ADGRG2: variants seen among roughly 807,000 people sequenced by gnomAD.
ADGRG2 encodes the protein G protein-coupled receptor 64.
ADGRG2 carries 26 observed loss-of-function variants against 74.1 expected under a neutral mutation model. That is an observed-to-expected ratio of 0.35 (90% confidence interval 0.26 to 0.49). The LOEUF (loss-of-function observed/expected upper bound fraction) is 0.49, where lower values mean the gene tolerates loss of function less well. Among genes scored for constraint, ADGRG2 ranks in the 20% least tolerant of loss-of-function variants. ADGRG2 has a pLI of 0.99. For synonymous variants in ADGRG2, 296 were observed against 295.2 expected, an observed-to-expected ratio of 1.00 and a Z score of -0.03; for missense variants, 619 against 763.1, an observed-to-expected ratio of 0.81 and a Z score of 2.22.
rs755329043 is a variant in ADGRG2 at position 19,016,608 on chromosome X, A to G, written c.711-2534T>C. Among the ~76,000 whole-genome samples, 35 of 108,715 alleles carry G rather than the reference A, an allele frequency of 3.2e-4. No individual in the cohort carries two copies. The Admixed American group carries it at 3.3e-3, about 10-fold the overall frequency. 94.4% of individuals were successfully genotyped at this position (108,715 alleles called of 115,157 possible). ...TGTGCACAATGTGCAGGTTAGTTAC[A>G]TATGTATACATGTGCCATGCTGGTG... On this transcript the variant is annotated intron_variant, in intron 15 of 28. Transcript: ENST00000379869.
chrX:19,055,305 C>A (rs569224074), intron 3 of ADGRG2, among the ~76,000 whole-genome samples: 1 of 111,717 alleles, frequency 9.0e-6, no homozygotes, highest in African/African-American at 3.3e-5. Context: ...CGCGCGTGCA[C>A]GCACCTTAGT....
intron 9 of ADGRG2, among the ~76,000 whole-genome samples, chrX:19,029,848 A>G (rs1415964201): frequency 2.7e-5 from 3 of 111,336 alleles, no homozygotes; most frequent in Non-Finnish European, 5.7e-5. Flanking sequence ...GTCAGAGAGG[A>G]GGGAGAGAAG....
chrX:19,013,779 C>T lies in ADGRG2; in HGVS notation c.1006G>A (p.Gly336Ser), dbSNP rs150585318. Residue 336 changes from glycine to serine, a missense_variant, in exon 16 of 29, where the codon GGC becomes AGC. Gly to Ser is a moderately conservative substitution (Grantham distance 56). Coordinates refer to ENST00000379869, the MANE Select transcript of ADGRG2 (RefSeq NM_001079858.3). ...SSPMPQTHVS[G>S]TPPPVKASFS... ...GAGGCTTTCACAGGAGGTGGGGTGC[C>T]GGAGACATGGGTTTGGGGCATAGGG... 13 of 1,195,924 alleles carry T rather than the reference C, an allele frequency of 1.1e-5. No homozygotes were observed. The Middle Eastern group carries it at 9.4e-4, about 86-fold the overall frequency.
intron 1 of ADGRG2, among the ~76,000 whole-genome samples, chrX:19,108,238 G>A (rs758065625): frequency 3.1e-4 from 34 of 110,723 alleles, no homozygotes; most frequent in Non-Finnish European, 4.5e-4. Flanking sequence ...AAGCTGAGGC[G>A]GGCAGGTTGC....
At chrX:19,055,365 T>C (rs1234809864) in intron 3 of ADGRG2, among the ~76,000 whole-genome samples, 2 of 112,411 alleles carry the variant, frequency 1.8e-5, no homozygotes, top group Non-Finnish European at 3.8e-5. Flanking sequence ...ATAGAAACCT[T>C]CTGAAGCAAT....
chrX:19,019,256 T>C (rs922376760), intron 15 of ADGRG2, among the ~76,000 whole-genome samples: 6 of 112,471 alleles, frequency 5.3e-5, no homozygotes, highest in African/African-American at 1.9e-4. Context: ...GAAAAAATGT[T>C]CAGACTCTGC....
chrX:19,108,681 A>G (rs2062359493), intron 1 of ADGRG2, among the ~76,000 whole-genome samples: 1 of 111,718 alleles, frequency 9.0e-6, no homozygotes, highest in Non-Finnish European at 1.9e-5. Context: ...GGTACCACAT[A>G]TAGGAAATTT....
In ADGRG2 at chrX:19,013,125, C is replaced by T. The variant is rs112990946; in HGVS notation, c.1099+561G>A. Among the ~76,000 whole-genome samples the T allele has an allele frequency of 5.6e-3, 619 of 111,368 alleles. 5 individuals are homozygous for T. The highest frequency in any genetic ancestry group is 0.019 in the African/African-American group (579 of 30,685). On this transcript the variant is annotated intron_variant, in intron 16 of 28. Transcript: ENST00000379869. ...GGGTCTTCACAGTGTTTCTCCCCTCCTACCACTACCTTGGCTCAGTCCCAG... is the reference window on the plus strand; with the variant it reads ...GGGTCTTCACAGTGTTTCTCCCCTCTTACCACTACCTTGGCTCAGTCCCAG...
At chrX:19,099,933 G>A (rs1229159589) in intron 1 of ADGRG2, among the ~76,000 whole-genome samples, 1 of 111,431 alleles carries the variant, frequency 9.0e-6, no homozygotes. Flanking sequence ...TACTTGGGAG[G>A]CTGAGGTGGG....
chrX:19,030,894 C>CA (rs1484763029), intron 9 of ADGRG2, 90 bp downstream of exon 9: 2 of 612,899 alleles, frequency 3.3e-6, no homozygotes, highest in Non-Finnish European at 5.1e-6. Flanking sequence ...CCAAGAGGCA[C>CA]ATACCACATA....
rs765073163 is a variant in ADGRG2, at chrX:18,994,967, G to C, written c.2798C>G (p.Ser933Ter). Reference sequence around the variant, plus strand: ...GGTGGAGTTAGTGGAGTTACTGCTTGACTGTAAGGAATTTGAAGAGCTGGA... The same window carrying C: ...GGTGGAGTTAGTGGAGTTACTGCTTCACTGTAAGGAATTTGAAGAGCTGGA... ...GVSSSSNSLQ[S>*]SSNSTNSTTL... Residue 933 changes from serine to a stop codon, truncating the protein, a stop_gained, in exon 28 of 29, where the codon TCA becomes TGA. Coordinates refer to ENST00000379869, the MANE Select transcript of ADGRG2 (RefSeq NM_001079858.3). LOFTEE classifies it high-confidence loss of function. The C allele has an allele frequency of 1.8e-5, 21 of 1,198,133 alleles. No homozygotes were observed. Among genetic ancestry groups the C allele is most frequent in the Non-Finnish European group, 2.4e-5 (21 of 883,121 alleles).
chrX:19,003,679 A>G (rs748162722), intron 23 of ADGRG2, among the ~76,000 whole-genome samples: 2 of 111,876 alleles, frequency 1.8e-5, no homozygotes, highest in African/African-American at 6.5e-5. Flanking sequence ...GACCTTTTAC[A>G]TGCTGACTGT....
rs769893986 is a variant in ADGRG2, at chrX:19,008,115, C to T, written c.1431G>A (p.Leu477=). The change falls in exon 19 of 29, where the codon CTG becomes CTA. Residue 477 remains leucine (L), a synonymous_variant. Transcript: ENST00000379869. ...TACTGTTCTCAGGAGCTTGGGTTTC[C>T]AGAGAAACCTGAAAATCAAGTGGAA... ...AQDPANLQVS[L]ETQAPENSIG... The T allele has an allele frequency of 1.7e-6, 2 of 1,173,259 alleles. No individual in the cohort carries two copies. The highest frequency in any genetic ancestry group is 3.6e-5 in the African/African-American group (2 of 55,798).
intron 3 of ADGRG2, among the ~76,000 whole-genome samples, chrX:19,055,101 T>G (rs922870560): frequency 9.8e-5 from 11 of 112,139 alleles, no homozygotes; most frequent in Admixed American, 8.5e-4. Context: ...TCTCCCTTAT[T>G]TTACATTTAT....
At chrX:19,087,550 G>A (rs1239773109) in intron 1 of ADGRG2, among the ~76,000 whole-genome samples, 1 of 112,755 alleles carries the variant, frequency 8.9e-6, no homozygotes, top group Non-Finnish European at 1.9e-5. Context: ...TCCAAAGAGA[G>A]GAAATGGCTG....
intron 1 of ADGRG2, among the ~76,000 whole-genome samples, chrX:19,093,902 TACAC>T (rs61296210): frequency 2.5e-3 from 253 of 100,120 alleles, no homozygotes; most frequent in Non-Finnish European, 4.3e-3. Flanking sequence ...TATGTAGGTA[TACAC>T]ACACACACAC....
Position 19,120,343 on chromosome X carries a change from A to T in ADGRG2, c.-47+2099T>A, listed in dbSNP as rs149940742. Among the ~76,000 whole-genome samples the T allele has an allele frequency of 8.6e-3, 966 of 112,415 alleles. 12 individuals are homozygous for T. The highest frequency in any genetic ancestry group is 0.03 in the African/African-American group (921 of 30,936). ...GAGACTCCCCAATCCTTTGAAAATA[A>T]CACACAACTTGTCAATAAACTTACA... is the stretch of plus-strand genomic sequence containing the variant. On this transcript the variant is annotated intron_variant, in intron 1 of 28. Coordinates refer to ENST00000379869, the MANE Select transcript of ADGRG2 (RefSeq NM_001079858.3).
chrX:18,991,955 C>G (rs1434973642), intron 28 of ADGRG2, among the ~76,000 whole-genome samples: 1 of 111,690 alleles, frequency 9.0e-6, no homozygotes, highest in Non-Finnish European at 1.9e-5. Flanking sequence ...GATGAGGAAA[C>G]GAAGGTTTCA....
chrX:19,021,304 C>G, intron 13 of ADGRG2, 106 bp from the exon 14 acceptor site: 1 of 527,457 alleles, frequency 1.9e-6, no homozygotes, highest in Non-Finnish European at 3.4e-6. Context: ...GACACTGATA[C>G]TGTTAACTTG....
Sources: allele counts gnomAD v4.1 joint callset (sites outside exome capture counted in the v4.1 genomes callset), GRCh38; gene constraint gnomAD v4.1.1; transcripts MANE v1.5; gene names NCBI Gene and HGNC (gene_info 2026-07-23, HGNC 2026-07-21).